Variants in CD99 observed in about 807,000 individuals in gnomAD.
CD99 encodes the protein CD99 antigen.
In CD99, 19 loss-of-function variants were observed where a neutral mutation model predicts 28.4. The ratio of observed to expected loss-of-function variants is 0.67; its 90% CI spans 0.47 to 0.98. The LOEUF (loss-of-function observed/expected upper bound fraction) is 0.98, where lower values mean the gene tolerates loss of function less well. Ranked by LOEUF, CD99 falls within the 50% of genes least tolerant of loss-of-function variation. CD99 has a pLI of 0.00. For missense variants in CD99, 283 were observed against 248.8 expected, an observed-to-expected ratio of 1.14 and a Z score of -0.92; for synonymous variants, 103 against 92.1, an observed-to-expected ratio of 1.12 and a Z score of -0.67.
Position 2,722,693 on chromosome X carries a change from C to G in CD99, c.310+19C>G. 6.2e-7 allele frequency: 1 copy of G among 1,613,604 alleles called. No individual in the cohort carries two copies. The highest frequency in any genetic ancestry group is 8.5e-7 in the Non-Finnish European group (1 of 1,179,516). ...GGAGAAGGTACAGTTATCTTGTTTT[C>G]TGTCTCTTTTCTCTCTCCATCCCAT... On this transcript the variant is annotated intron_variant, in intron 6 of 9. Transcript: ENST00000381192.
rs2050164517 is a variant in CD99, at chrX:2,741,003, G to A, written c.*199G>A. 2.0e-5 allele frequency: 13 copies of A among 657,546 alleles called. No homozygotes were observed. Among genetic ancestry groups the A allele is most frequent in the Non-Finnish European group, 3.0e-5 (11 of 371,082 alleles). The allele number at this position is 657,546 out of a possible 1,614,324, so 40.7% of individuals were successfully genotyped here. On this transcript the variant is annotated 3_prime_UTR_variant, in exon 10 of 10. Coordinates refer to ENST00000381192, the MANE Select transcript of CD99 (RefSeq NM_002414.5). Reference sequence around the variant, plus strand: ...CTAACGATGAATTTTACATCCAAAGGGGGATAGGCACTTGGACCCCCATTC... The same window carrying A: ...CTAACGATGAATTTTACATCCAAAGAGGGATAGGCACTTGGACCCCCATTC...
rs752002220 is a variant in CD99 at position 2,712,952 on chromosome X, T to C, written c.68-1470T>C. Among the ~76,000 whole-genome samples the C allele has an allele frequency of 6.6e-5, 10 of 151,822 alleles. No individual in the cohort carries two copies. In the South Asian group the frequency reaches 2.1e-3, roughly 32 times the overall value. The stretch of plus-strand genomic sequence containing the variant: ...GCATATGCACACGTGGAAACACACC[T>C]GCACACTACACACACCTACACATAC... On this transcript the variant is annotated intron_variant, in intron 1 of 9. Coordinates refer to ENST00000381192, the MANE Select transcript of CD99 (RefSeq NM_002414.5).
chrX:2,723,530 G>A lies in CD99; in HGVS notation c.361+166G>A. 4 of 740,608 alleles carry A rather than the reference G, an allele frequency of 5.4e-6. No individual in the cohort carries two copies. The East Asian group carries it at 7.6e-5, about 14-fold the overall frequency. 45.9% of individuals were successfully genotyped at this position (740,608 alleles called of 1,614,324 possible). The stretch of plus-strand genomic sequence containing the variant: ...TGCTCCCAAGTGATGTAGCTGCAGA[G>A]GTCCCCCAGCAAACCAGCCCTGCTC... On this transcript the variant is annotated intron_variant, in intron 7 of 9. Transcript: ENST00000381192.
At chrX:2,736,019 G>A (rs1336950655) in intron 8 of CD99, among the ~76,000 whole-genome samples, 1 of 151,944 alleles carries the variant, frequency 6.6e-6, no homozygotes, top group African/African-American at 2.4e-5. Flanking sequence ...TGGCTAACAT[G>A]GTGAAACCCC....
chrX:2,732,306 C>T (rs559621693), intron 8 of CD99, among the ~76,000 whole-genome samples: 5 of 152,098 alleles, frequency 3.3e-5, no homozygotes, highest in Non-Finnish European at 5.9e-5. Context: ...GCCCAGCTTC[C>T]GTGGCTGGCA....
intron 1 of CD99, among the ~76,000 whole-genome samples, chrX:2,702,785 T>A (rs1438804637): frequency 6.6e-6 from 1 of 152,070 alleles, no homozygotes; most frequent in Admixed American, 6.6e-5. Context: ...TTGAACTTTT[T>A]TTTTTTATTT....
At chrX:2,728,798 C>T (rs1460229912) in intron 8 of CD99, among the ~76,000 whole-genome samples, 2 of 147,506 alleles carry the variant, frequency 1.4e-5, no homozygotes, top group East Asian at 4.0e-4. Context: ...GGACAGGATG[C>T]GTAATATTCT....
intron 1 of CD99, among the ~76,000 whole-genome samples, chrX:2,708,428 AAGG>A (rs1464449969): frequency 6.6e-6 from 1 of 152,034 alleles, no homozygotes; most frequent in Non-Finnish European, 1.5e-5. Context: ...ATCTGGGAGA[AAGG>A]AGACCTTGGA....
chrX:2,703,782 G>A (rs1252736098), intron 1 of CD99, among the ~76,000 whole-genome samples: 2 of 152,034 alleles, frequency 1.3e-5, no homozygotes, highest in African/African-American at 4.8e-5. Flanking sequence ...ATCAGCAGTC[G>A]GGGAGTGGCT....
chrX:2,736,422 T>C (rs948724143), intron 8 of CD99, among the ~76,000 whole-genome samples: 2 of 152,068 alleles, frequency 1.3e-5, no homozygotes, highest in African/African-American at 4.8e-5. Flanking sequence ...AATAAATAAA[T>C]ACCTATTGAT....
chrX:2,737,403 C>G (rs2050000394), intron 8 of CD99, among the ~76,000 whole-genome samples: 1 of 72,126 alleles, frequency 1.4e-5, no homozygotes, highest in African/African-American at 6.1e-5. Context: ...GGCTCGATCT[C>G]TTGACCTCGT....
intron 1 of CD99, among the ~76,000 whole-genome samples, chrX:2,710,281 A>G (rs55939824): frequency 0.069 from 10,552 of 152,162 alleles, 497 homozygotes; most frequent in Middle Eastern, 0.18. Context: ...GTGGGAGAAG[A>G]CAAGACTCTG....
intron 3 of CD99, 21 bp downstream of exon 3, chrX:2,717,673 G>A (rs374261718): frequency 9.4e-5 from 151 of 1,609,374 alleles, no homozygotes; most frequent in Non-Finnish European, 1.2e-4. Flanking sequence ...CTTCTTCCTA[G>A]TATGCAAAGA....
chrX:2,728,139 G>A (rs756360290), intron 8 of CD99, among the ~76,000 whole-genome samples: 3 of 151,726 alleles, frequency 2.0e-5, no homozygotes, highest in East Asian at 1.9e-4. Context: ...TGGGCAGTGC[G>A]TGGAAGACAG....
chrX:2,736,680 AC>A (rs1209854737), intron 8 of CD99, among the ~76,000 whole-genome samples: 1 of 151,898 alleles, frequency 6.6e-6, no homozygotes, highest in East Asian at 1.9e-4. Context: ...ACACGGTGGA[AC>A]CCCATCTCTA....
intron 7 of CD99, among the ~76,000 whole-genome samples, chrX:2,724,254 TCATC>T (rs1290321094): frequency 7.9e-5 from 12 of 152,172 alleles, no homozygotes; most frequent in Non-Finnish European, 1.6e-4. Flanking sequence ...CTATGTCACT[TCATC>T]AGGGAGGGGT....
intron 1 of CD99, among the ~76,000 whole-genome samples, chrX:2,699,774 A>AG (rs1364355103): frequency 6.6e-6 from 1 of 152,118 alleles, no homozygotes; most frequent in Non-Finnish European, 1.5e-5. Context: ...ATTTTTAAAA[A>AG]GCCCCTCGGA....
intron 3 of CD99, 92 bp from the exon 4 acceptor site, chrX:2,719,569 G>T: frequency 1.0e-6 from 1 of 982,970 alleles, no homozygotes; most frequent in Non-Finnish European, 1.6e-6. Context: ...TAGGAATGTG[G>T]GGCCGTGGTG....
At position 2,691,400 on chromosome X, in the gene CD99, C is replaced by T. The variant is rs753965361; in HGVS notation, c.40C>T (p.Leu14=). ...GAALALLLFG[L]LGVLVAAPDG... is the part of the protein sequence containing the mutation. ...TGCGCTGGCGCTGCTGCTCTTCGGCCTGCTGGGTGTTCTGGTCGCCGCCCC... is the reference window on the plus strand; with the variant it reads ...TGCGCTGGCGCTGCTGCTCTTCGGCTTGCTGGGTGTTCTGGTCGCCGCCCC... Residue 14 remains leucine (L), a synonymous_variant, in exon 1 of 10, where the codon CTG becomes TTG. Coordinates refer to ENST00000381192, the MANE Select transcript of CD99 (RefSeq NM_002414.5). The T allele has an allele frequency of 6.3e-7, 1 of 1,585,222 alleles. No individual in the cohort carries two copies.
Sources: gnomAD v4.1 joint callset for allele counts (sites outside exome capture counted in the v4.1 genomes callset) on GRCh38, gnomAD v4.1.1 for gene constraint, MANE v1.5 for transcripts, NCBI Gene and HGNC (gene_info 2026-07-23, HGNC 2026-07-21) for gene names.